Variants in PCNX2 observed in about 807,000 individuals in gnomAD.
PCNX2 encodes the protein pecanex-like protein 2.
A neutral mutation model predicts 223.8 loss-of-function variants in PCNX2; 168 were observed. The observed-to-expected ratio is 0.75, with a 90% confidence interval of 0.66 to 0.85. The LOEUF (loss-of-function observed/expected upper bound fraction) is 0.85, where lower values mean the gene tolerates loss of function less well. PCNX2 is among the 40% of genes least tolerant of loss of function. PCNX2 has a pLI of 0.00. For synonymous variants in PCNX2, 1,006 were observed against 1,052.6 expected (o/e 0.96, Z 0.86); for missense variants, 2,507 against 2,675.5 (o/e 0.94, Z 1.39).
At chr1:233,275,875 G>C (rs562377218) in intron 1 of PCNX2, among the ~76,000 whole-genome samples, 6 of 151,850 alleles carry the variant, frequency 4.0e-5, no homozygotes, top group African/African-American at 1.4e-4. Flanking sequence ...ACTAAAAATA[G>C]AAAAATTATC....
At chr1:233,100,257 ACAAAAATTAGCCGAGCGTGGTGGCTCG>A (rs1425291268) in intron 21 of PCNX2, among the ~76,000 whole-genome samples, 2 of 152,050 alleles carry the variant, frequency 1.3e-5, no homozygotes, top group African/African-American at 2.4e-5. Context: ...TACTAAAAAT[ACAAAAATTAGCCGAGCGTGGTGGCTCG>A]CACCTATAAT....
intron 28 of PCNX2, among the ~76,000 whole-genome samples, chr1:233,010,079 A>G (rs1473849382): frequency 6.6e-6 from 1 of 151,862 alleles, no homozygotes; most frequent in Non-Finnish European, 1.5e-5. Context: ...TCAGATTCTG[A>G]TTTCTGAGTT....
chr1:233,240,368 C>A (rs1296788654), intron 8 of PCNX2, among the ~76,000 whole-genome samples: 1 of 152,116 alleles, frequency 6.6e-6, no homozygotes, highest in Non-Finnish European at 1.5e-5. Context: ...CTGTGAGCAG[C>A]ATAATCATCT....
At chr1:233,279,412 T>C (rs1221317942) in intron 1 of PCNX2, among the ~76,000 whole-genome samples, 1 of 151,514 alleles carries the variant, frequency 6.6e-6, no homozygotes, top group African/African-American at 2.4e-5. Context: ...TGTGTGTGTG[T>C]GTGTGTGTGT....
chr1:233,211,101 G>A (rs1172898308), intron 12 of PCNX2, among the ~76,000 whole-genome samples: 1 of 152,140 alleles, frequency 6.6e-6, no homozygotes, highest in African/African-American at 2.4e-5. Flanking sequence ...TTGTGAAGTG[G>A]GGAGAAAGGT....
intron 19 of PCNX2, among the ~76,000 whole-genome samples, chr1:233,156,477 G>A (rs1176560326): frequency 6.6e-6 from 1 of 152,200 alleles, no homozygotes; most frequent in African/African-American, 2.4e-5. Context: ...GAGCACTGGA[G>A]GAGGAGTATG....
At chr1:233,062,467 G>C (rs540764070) in intron 23 of PCNX2, among the ~76,000 whole-genome samples, 1 of 151,770 alleles carries the variant, frequency 6.6e-6, no homozygotes, top group Non-Finnish European at 1.5e-5. Context: ...GTTTTGCTAC[G>C]TGACTTAATG....
At chr1:233,017,179 T>G in intron 26 of PCNX2, 25 bp from the exon 27 acceptor site, 2 of 689,584 alleles carry the variant, frequency 2.9e-6, no homozygotes, top group Non-Finnish European at 3.9e-6. Context: ...CCAGGAAGAT[T>G]TTATTTATTA....
chr1:233,263,616 C>T (rs1660178816), intron 1 of PCNX2, among the ~76,000 whole-genome samples: 1 of 151,968 alleles, frequency 6.6e-6, no homozygotes, highest in Non-Finnish European at 1.5e-5. Flanking sequence ...CCACCATGCC[C>T]GGCTAATTTT....
chr1:233,317,874 C>T, the PCNX2 span, among the ~76,000 whole-genome samples: 2 of 152,182 alleles, frequency 1.3e-5, no homozygotes, highest in Non-Finnish European at 2.9e-5. Flanking sequence ...GGAATAAAGA[C>T]GAGGTTTCAA....
chr1:233,311,254 C>T, the PCNX2 span, among the ~76,000 whole-genome samples: 1 of 152,142 alleles, frequency 6.6e-6, no homozygotes, highest in Non-Finnish European at 1.5e-5. Flanking sequence ...TATAATAAAA[C>T]CTAAAAGAGC....
intron 25 of PCNX2, among the ~76,000 whole-genome samples, chr1:233,039,927 AT>A (rs1375966147): frequency 3.3e-5 from 5 of 152,268 alleles, no homozygotes; most frequent in Admixed American, 3.3e-4. Flanking sequence ...AATCTCTATT[AT>A]TTTTTGTTTG....
At chr1:233,260,745 G>C (rs1455379980) in intron 4 of PCNX2, among the ~76,000 whole-genome samples, 1 of 151,818 alleles carries the variant, frequency 6.6e-6, no homozygotes, top group African/African-American at 2.4e-5. Context: ...TGCAGAGAAA[G>C]GAAGGAATTA....
intron 1 of PCNX2, among the ~76,000 whole-genome samples, chr1:233,269,526 C>T (rs1660520265): frequency 6.6e-6 from 1 of 152,166 alleles, no homozygotes; most frequent in Non-Finnish European, 1.5e-5. Flanking sequence ...GCTATCACTA[C>T]AATAGCATAA....
chr1:233,294,047 A>G (rs946632191), intron 1 of PCNX2: 1 of 943,428 alleles, frequency 1.1e-6, no homozygotes, highest in Non-Finnish European at 1.3e-6. Flanking sequence ...TTTATATATA[A>G]TTTTGGTTAA....
chr1:233,309,321 C>A, the PCNX2 span, among the ~76,000 whole-genome samples: 3 of 152,128 alleles, frequency 2.0e-5, no homozygotes, highest in African/African-American at 7.2e-5. Flanking sequence ...GTAGGTGGAT[C>A]ATTTGAGGTC....
chr1:233,065,236 T>C (rs1672552287), intron 23 of PCNX2, among the ~76,000 whole-genome samples: 2 of 152,206 alleles, frequency 1.3e-5, no homozygotes, highest in East Asian at 1.9e-4. Context: ...TAAACATACA[T>C]GTGTGCTCAC....
chr1:233,230,588 C>T (rs1658004870), intron 9 of PCNX2, among the ~76,000 whole-genome samples: 1 of 152,210 alleles, frequency 6.6e-6, no homozygotes, highest in African/African-American at 2.4e-5. Context: ...ATTTTACCAT[C>T]TCTCCATTGC....
At chr1:233,089,001 G>C (rs1347828892) in intron 23 of PCNX2, among the ~76,000 whole-genome samples, 1 of 152,196 alleles carries the variant, frequency 6.6e-6, no homozygotes, top group Non-Finnish European at 1.5e-5. Context: ...AAGTGGGAGA[G>C]ATGAGGTGTG....
Sources: gnomAD v4.1 joint callset for allele counts (sites outside exome capture counted in the v4.1 genomes callset) on GRCh38, gnomAD v4.1.1 for gene constraint, MANE v1.5 for transcripts, NCBI Gene and HGNC (gene_info 2026-07-23, HGNC 2026-07-21) for gene names.